The following ADAMTS12 variants were observed in gnomAD, a reference collection of about 807,000 sequenced individuals.
ADAMTS12 encodes A disintegrin and metalloproteinase with thrombospondin motifs 12.
Under a neutral mutation model 167.8 loss-of-function variants are expected in ADAMTS12, and 118 were observed. The observed-to-expected ratio is 0.70, with a 90% CI of 0.61 to 0.82. The LOEUF (loss-of-function observed/expected upper bound fraction) is 0.82, where lower values mean the gene tolerates loss of function less well. Ranked by LOEUF, ADAMTS12 falls within the 40% of genes least tolerant of loss-of-function variation. ADAMTS12 has a pLI of 0.00. For synonymous variants in ADAMTS12, 704 were observed against 716.9 expected, an observed-to-expected ratio of 0.98 and a Z score of 0.29; for missense variants, 1,916 against 1,998.8, an observed-to-expected ratio of 0.96 and a Z score of 0.79.
chr5:33,805,435 A>G (rs1747187224), intron 2 of ADAMTS12, among the ~76,000 whole-genome samples: 1 of 152,206 alleles, frequency 6.6e-6, no homozygotes, highest in South Asian at 2.1e-4. Context: ...ATGAGACCCC[A>G]GCAAGGCTCA....
intron 2 of ADAMTS12, among the ~76,000 whole-genome samples, chr5:33,809,888 T>G (rs1227426914): frequency 8.0e-5 from 10 of 125,276 alleles, no homozygotes; most frequent in African/African-American, 1.8e-4. Context: ...AGACTGGGGG[T>G]GGGGGTGAAA....
chr5:33,815,592 T>A (rs1165582166), intron 2 of ADAMTS12, among the ~76,000 whole-genome samples: 1 of 152,146 alleles, frequency 6.6e-6, no homozygotes, highest in African/African-American at 2.4e-5. Flanking sequence ...TATAGAAGCC[T>A]CAGCTAAAAA....
intron 2 of ADAMTS12, among the ~76,000 whole-genome samples, chr5:33,790,378 C>A (rs1466327144): frequency 1.3e-5 from 2 of 152,018 alleles, no homozygotes; most frequent in Non-Finnish European, 2.9e-5. Context: ...TGTGGTGAAA[C>A]CCCGTCTCTA....
At chr5:33,641,532 A>G (rs755052347) in intron 11 of ADAMTS12, among the ~76,000 whole-genome samples, 1 of 152,256 alleles carries the variant, frequency 6.6e-6, no homozygotes, top group Admixed American at 6.5e-5. Flanking sequence ...TAGATTGCAC[A>G]TTTAAAAGAA....
chr5:33,577,002 GC>G lies in ADAMTS12; in HGVS notation c.3023del (p.Gly1008AlafsTer12). The G allele has an allele frequency of 1.2e-6, 2 of 1,614,188 alleles. No homozygotes were observed. Among genetic ancestry groups the G allele is most frequent in the Non-Finnish European group, 1.7e-6 (2 of 1,180,030 alleles). On this transcript the variant is annotated frameshift_variant, in exon 19 of 24. Coordinates refer to ENST00000504830, the MANE Select transcript of ADAMTS12 (RefSeq NM_030955.4). LOFTEE classifies it high-confidence loss of function. ...SSRRVLKPNK[G>X]TISNGKNPPT... ...GTGGGTTTTTTCCATTGGAAATAGT[GC>G]CTTTGTTTGGTTTCAGAACTCTCCG...
intron 2 of ADAMTS12, among the ~76,000 whole-genome samples, chr5:33,855,510 A>G (rs1425808197): frequency 6.6e-6 from 1 of 152,250 alleles, no homozygotes; most frequent in Non-Finnish European, 1.5e-5. Flanking sequence ...TGGAGCAGAC[A>G]TTCTATTTGT....
intron 3 of ADAMTS12, among the ~76,000 whole-genome samples, chr5:33,741,443 A>G (rs1476947070): frequency 2.6e-5 from 4 of 151,964 alleles, no homozygotes; most frequent in African/African-American, 9.7e-5. Context: ...CACTATAATG[A>G]CCTTATTTTA....
intron 1 of ADAMTS12, among the ~76,000 whole-genome samples, chr5:33,884,070 G>A (rs1180678547): frequency 3.3e-5 from 5 of 152,164 alleles, no homozygotes; most frequent in Non-Finnish European, 5.9e-5. Context: ...GTATAGTAAC[G>A]GTGTCATCTA....
chr5:33,691,156 GCA>G (rs1742534485), intron 3 of ADAMTS12, among the ~76,000 whole-genome samples: 2 of 152,150 alleles, frequency 1.3e-5, no homozygotes, highest in African/African-American at 4.8e-5. Context: ...GTTTACTCCT[GCA>G]CAGTTACATT....
At chr5:33,582,583 G>A (rs1747122854) in intron 18 of ADAMTS12, among the ~76,000 whole-genome samples, 1 of 152,200 alleles carries the variant, frequency 6.6e-6, no homozygotes, top group South Asian at 2.1e-4. Flanking sequence ...GGTCTATTTG[G>A]TCACTCTGCA....
In ADAMTS12 at chr5:33,571,781, A is replaced by G. The variant is rs1159837618; in HGVS notation, c.3972+4273T>C. Among the ~76,000 whole-genome samples the G allele has an allele frequency of 4.0e-5, 6 of 150,678 alleles. No individual in the cohort carries two copies. In the East Asian group the frequency reaches 1.2e-3, roughly 29 times the overall value. On this transcript the variant is annotated intron_variant, in intron 19 of 23. Coordinates refer to ENST00000504830, the MANE Select transcript of ADAMTS12 (RefSeq NM_030955.4). ...ACTGAAGGAAATAGAGACACAAAAAACCCTTCAAAAAATTAATGAATCCAG... is the reference window on the plus strand; with the variant it reads ...ACTGAAGGAAATAGAGACACAAAAAGCCCTTCAAAAAATTAATGAATCCAG...
rs575348284 is a variant in ADAMTS12 at position 33,601,283 on chromosome 5, G to A, written c.2528-5223C>T. 3.9e-5 allele frequency among the ~76,000 whole-genome samples: 6 copies of A among 152,208 alleles called. No homozygotes were observed. The South Asian group carries it at 1.0e-3, about 26-fold the overall frequency. On this transcript the variant is annotated intron_variant, in intron 16 of 23. Transcript: ENST00000504830. Reference sequence around the variant, plus strand: ...TTTCCTTGTCCTCATCTTCAGGATGGCAAAAGATTATAGTATAGGGTTGTT... The same window carrying A: ...TTTCCTTGTCCTCATCTTCAGGATGACAAAAGATTATAGTATAGGGTTGTT...
chr5:33,621,418 A>AAAG (rs1739326007), intron 14 of ADAMTS12, among the ~76,000 whole-genome samples: 1 of 148,828 alleles, frequency 6.7e-6, no homozygotes, highest in African/African-American at 2.5e-5. Flanking sequence ...AAAAAAAAAA[A>AAAG]AGAATATTCA....
chr5:33,555,325 A>G (rs1291597541), intron 20 of ADAMTS12, among the ~76,000 whole-genome samples: 1 of 152,106 alleles, frequency 6.6e-6, no homozygotes, highest in African/African-American at 2.4e-5. Flanking sequence ...GCTCACTGCA[A>G]CCTTTGCCTC....
chr5:33,675,125 C>T (rs1741854120), intron 5 of ADAMTS12, among the ~76,000 whole-genome samples: 3 of 152,078 alleles, frequency 2.0e-5, no homozygotes, highest in African/African-American at 7.2e-5. Flanking sequence ...GAACTATGGG[C>T]CAAATAAACT....
At chr5:33,702,931 C>T (rs1335845168) in intron 3 of ADAMTS12, among the ~76,000 whole-genome samples, 2 of 152,146 alleles carry the variant, frequency 1.3e-5, no homozygotes, top group Non-Finnish European at 2.9e-5. Context: ...ACCTCAGTGC[C>T]ATTCTACAGG....
intron 3 of ADAMTS12, among the ~76,000 whole-genome samples, chr5:33,695,203 A>C (rs1296200732): frequency 6.6e-6 from 1 of 152,216 alleles, no homozygotes; most frequent in Non-Finnish European, 1.5e-5. Flanking sequence ...GTTAAGGTTT[A>C]TTTAATTCTG....
intron 2 of ADAMTS12, among the ~76,000 whole-genome samples, chr5:33,787,809 A>G (rs865861342): frequency 2.6e-5 from 4 of 152,214 alleles, no homozygotes; most frequent in East Asian, 3.8e-4. Context: ...AGAGCGTGAT[A>G]TTTCTTCAAC....
At chr5:33,629,604 C>T (rs952933992) in intron 13 of ADAMTS12, among the ~76,000 whole-genome samples, 4 of 152,178 alleles carry the variant, frequency 2.6e-5, no homozygotes. Context: ...AACACCACAA[C>T]CTTGCACAAA....
Sources: gnomAD v4.1 joint callset for allele counts (sites outside exome capture counted in the v4.1 genomes callset) on GRCh38, gnomAD v4.1.1 for gene constraint, MANE v1.5 for transcripts, NCBI Gene and HGNC (gene_info 2026-07-23, HGNC 2026-07-21) for gene names.